Variants in TECPR2 observed in about 807,000 individuals in gnomAD.
TECPR2 encodes tectonin beta-propeller repeat-containing protein 2.
In TECPR2, 65 loss-of-function variants were observed where a neutral mutation model predicts 138.1. The observed-to-expected ratio is 0.47, with a 90% CI of 0.39 to 0.58. TECPR2 has a LOEUF of 0.58. TECPR2 is among the 20% of genes least tolerant of loss of function. The pLI is 0.00. For missense variants in TECPR2, 1,553 were observed against 1,824.5 expected (o/e 0.85, Z 2.71); for synonymous variants, 746 against 749.8 (o/e 0.99, Z 0.08).
intron 11 of TECPR2, 96 bp downstream of exon 11, chr14:102,440,705 G>A: frequency 7.1e-7 from 1 of 1,411,056 alleles, no homozygotes; most frequent in Non-Finnish European, 9.6e-7. Context: ...CAATCGCTAT[G>A]ATTAAGAGGC....
chr14:102,471,712 C>CTAATAA (rs574743029), intron 17 of TECPR2, among the ~76,000 whole-genome samples: 1,542 of 151,712 alleles, frequency 0.01, 29 homozygotes, highest in African/African-American at 0.035. Flanking sequence ...GAGCACAACG[C>CTAATAA]TAATAATAAT....
chr14:102,458,467 C>A (rs899222291), intron 16 of TECPR2, among the ~76,000 whole-genome samples: 2 of 152,192 alleles, frequency 1.3e-5, no homozygotes, highest in African/African-American at 4.8e-5. Context: ...CAGCTCCAGT[C>A]TTTGGTGTGG....
chr14:102,373,020 T>A (rs1462425958), intron 1 of TECPR2, among the ~76,000 whole-genome samples: 1 of 152,170 alleles, frequency 6.6e-6, no homozygotes, highest in Non-Finnish European at 1.5e-5. Flanking sequence ...TGTGTATGAG[T>A]ATGTATGTAT....
intron 4 of TECPR2, among the ~76,000 whole-genome samples, chr14:102,414,128 C>G (rs1888958152): frequency 6.6e-6 from 1 of 152,156 alleles, no homozygotes; most frequent in South Asian, 2.1e-4. Flanking sequence ...ATAATGTCCT[C>G]AAAGCTGCTT....
intron 5 of TECPR2, among the ~76,000 whole-genome samples, chr14:102,423,423 G>A (rs1273232391): frequency 2.7e-5 from 4 of 149,968 alleles, no homozygotes; most frequent in African/African-American, 9.8e-5. Flanking sequence ...GACAACAAGA[G>A]CAAAACTCTG....
intron 1 of TECPR2, among the ~76,000 whole-genome samples, chr14:102,373,220 A>G (rs1219268435): frequency 6.6e-6 from 1 of 151,466 alleles, no homozygotes; most frequent in Non-Finnish European, 1.5e-5. Flanking sequence ...GTGAGGATTT[A>G]ATGGGTTTGT....
intron 17 of TECPR2, among the ~76,000 whole-genome samples, chr14:102,494,322 C>A (rs532116434): frequency 6.6e-6 from 1 of 152,140 alleles, no homozygotes; most frequent in African/African-American, 2.4e-5. Flanking sequence ...GCAGGCAGAT[C>A]GCTGGAGGTC....
chr14:102,452,425 G>A lies in TECPR2; in HGVS notation c.3438G>A (p.Lys1146=), dbSNP rs1463316314. The part of the protein sequence containing the change: ...GSFLWLCQSS[K]DLCSVSAQSA... ...TCCTGTGGCTGTGCCAGAGCAGCAA[G>A]GACCTGTGCAGCGTCAGCGCCCAGA... Residue 1146 remains lysine (K), a synonymous_variant, in exon 16 of 20, where the codon AAG becomes AAA. Coordinates refer to ENST00000359520, the MANE Select transcript of TECPR2 (RefSeq NM_014844.5). 6.2e-7 allele frequency: 1 copy of A among 1,611,656 alleles called. No individual in the cohort carries two copies. Among genetic ancestry groups the A allele is most frequent in the Admixed American group, 1.7e-5 (1 of 59,958 alleles).
Position 102,419,527 on chromosome 14 carries a change from C to G in TECPR2, c.638+4734C>G, listed in dbSNP as rs371090493. Reference sequence around the variant, plus strand: ...TGCAGGCGGTGGCCTCAGTTGGGCCCTCTCATGGGCAGCAGTGTAGGGTTG... The same window carrying G: ...TGCAGGCGGTGGCCTCAGTTGGGCCGTCTCATGGGCAGCAGTGTAGGGTTG... On this transcript the variant is annotated intron_variant, in intron 5 of 19. Transcript: ENST00000359520. This position sits in a 1 kb window ranked among gnomAD's most constrained non-coding sequence, Gnocchi z 4.8. 2.4e-4 allele frequency among the ~76,000 whole-genome samples: 36 copies of G among 152,034 alleles called. No homozygotes were observed. The East Asian group carries it at 6.8e-3, about 29-fold the overall frequency.
At position 102,372,330 on chromosome 14, in the gene TECPR2, A is replaced by G. The variant is rs993450011; in HGVS notation, c.-72-4320A>G. On this transcript the variant is annotated intron_variant, in intron 1 of 19. Coordinates refer to ENST00000359520, the MANE Select transcript of TECPR2 (RefSeq NM_014844.5). ...GCCCAGGCTGGAGTGCAATGGCACA[A>G]TCTTGGCTCACCACAACCTCTGCCT... 3.4e-4 allele frequency among the ~76,000 whole-genome samples: 51 copies of G among 152,122 alleles called. 1 individual carries two copies. The highest frequency in any genetic ancestry group is 1.2e-3 in the African/African-American group (49 of 41,514).
At chr14:102,371,666 AT>A (rs989316970) in intron 1 of TECPR2, among the ~76,000 whole-genome samples, 7 of 151,646 alleles carry the variant, frequency 4.6e-5, no homozygotes, top group South Asian at 2.1e-4. Context: ...TTGGCAATAC[AT>A]TTTTTTTTAA....
intron 9 of TECPR2, among the ~76,000 whole-genome samples, chr14:102,437,481 G>A (rs1889699013): frequency 6.6e-6 from 1 of 152,142 alleles, no homozygotes; most frequent in Non-Finnish European, 1.5e-5. Context: ...TTGAACCCAG[G>A]AGGCGGAGGT....
Position 102,477,551 on chromosome 14 carries a change from G to GT in TECPR2, c.3789+12279dup, listed in dbSNP as rs549249042. On this transcript the variant is annotated intron_variant, in intron 17 of 19. Coordinates refer to ENST00000359520, the MANE Select transcript of TECPR2 (RefSeq NM_014844.5). ...ATGTCAGCATACCCCTGTAGAGCTGGTTTTTTTTTTTTTTTTTGAGACAGA... is the reference window on the plus strand; with the variant it reads ...ATGTCAGCATACCCCTGTAGAGCTGGTTTTTTTTTTTTTTTTTTGAGACAGA... 9.8e-3 allele frequency among the ~76,000 whole-genome samples: 1,245 copies of GT among 126,760 alleles called. 13 individuals are homozygous for GT. The highest frequency in any genetic ancestry group is 0.02 in the Middle Eastern group (5 of 248). The allele number at this position is 126,760 out of a possible 152,430, so 83.2% of individuals were successfully genotyped here.
Position 102,425,190 on chromosome 14 carries a change from T to G in TECPR2, c.850T>G (p.Leu284Val), listed in dbSNP as rs746798798. 1 of 1,614,194 alleles carries G rather than the reference T, an allele frequency of 6.2e-7. No homozygotes were observed. The highest frequency in any genetic ancestry group is 8.5e-7 in the Non-Finnish European group (1 of 1,180,026). Residue 284 changes from leucine (L) to valine (V), a missense_variant, in exon 6 of 20, where the codon TTA becomes GTA. Coordinates refer to ENST00000359520, the MANE Select transcript of TECPR2 (RefSeq NM_014844.5). Reference protein sequence around the residue: ...LESPNSGSCSLPERHLGLVSC... With the variant: ...LESPNSGSCSVPERHLGLVSC... ...ATCCCCCAACAGTGGAAGTTGCAGC[T>G]TACCTGAGAGGCACCTGGGGCTTGT...
intron 10 of TECPR2, chr14:102,438,580 T>G (rs1275485556): frequency 1.1e-5 from 2 of 184,426 alleles, no homozygotes. Context: ...TCTTTCTCAT[T>G]GTTGCTTTAA....
rs116900587 is a variant in TECPR2 at position 102,472,234 on chromosome 14, C to T, written c.3789+6945C>T. Among the ~76,000 whole-genome samples, 112 of 152,336 alleles carry T rather than the reference C, an allele frequency of 7.4e-4. No homozygotes were observed. The East Asian group carries it at 0.022, about 29-fold the overall frequency. ...TCTGCTGTGTGCACCTCTCTGCAGC[C>T]ATGGGGCCACACAGGTACCTGGCAA... On this transcript the variant is annotated intron_variant, in intron 17 of 19. Transcript: ENST00000359520.
chr14:102,424,374 C>G (rs1196276697), intron 5 of TECPR2, among the ~76,000 whole-genome samples: 1 of 152,164 alleles, frequency 6.6e-6, no homozygotes, highest in Non-Finnish European at 1.5e-5. Flanking sequence ...CTCTGTCACC[C>G]AGGTTGGAGT....
intron 2 of TECPR2, among the ~76,000 whole-genome samples, chr14:102,401,025 T>G (rs1888461713): frequency 6.8e-6 from 1 of 147,748 alleles, no homozygotes; most frequent in Non-Finnish European, 1.5e-5. Flanking sequence ...AGAGTGAGAC[T>G]CGTCGCAAAA....
At position 102,498,738 on chromosome 14, in the gene TECPR2, G is replaced by A. The variant is rs1456443165; in HGVS notation, c.*481G>A. 6.6e-6 allele frequency: 3 copies of A among 454,780 alleles called. No individual in the cohort carries two copies. Among genetic ancestry groups the A allele is most frequent in the Non-Finnish European group, 1.3e-5 (3 of 231,038 alleles). 28.2% of individuals were successfully genotyped at this position (454,780 alleles called of 1,614,324 possible). ...GATGGCTTTGTCCCATCATAGGGGGGTGTCCCCCCAGAGACAAAGCTGCAG... is the reference window on the plus strand; with the variant it reads ...GATGGCTTTGTCCCATCATAGGGGGATGTCCCCCCAGAGACAAAGCTGCAG... On this transcript the variant is annotated 3_prime_UTR_variant, in exon 20 of 20. Coordinates refer to ENST00000359520, the MANE Select transcript of TECPR2 (RefSeq NM_014844.5).
Sources: allele counts gnomAD v4.1 joint callset (sites outside exome capture counted in the v4.1 genomes callset), GRCh38; gene constraint gnomAD v4.1.1; non-coding constraint Gnocchi (gnomAD v3.1); transcripts MANE v1.5; gene names NCBI Gene and HGNC (gene_info 2026-07-23, HGNC 2026-07-21).